The following DROSHA variants were observed in gnomAD, a reference collection of about 807,000 sequenced individuals.
DROSHA encodes the protein ribonuclease 3.
Under a neutral mutation model 181.9 loss-of-function variants are expected in DROSHA, and 56 were observed. The observed-to-expected ratio is 0.31, with a 90% CI of 0.25 to 0.38. DROSHA has a LOEUF of 0.38. Ranked by LOEUF, DROSHA falls within the 10% of genes least tolerant of loss-of-function variation. The pLI, the probability that DROSHA is intolerant of heterozygous loss-of-function variation, is 1.00. For synonymous variants in DROSHA, 524 were observed against 591.2 expected (o/e 0.89, Z 1.65); for missense variants, 1,218 against 1,743.5 (o/e 0.70, Z 5.37).
intron 35 of DROSHA, 145 bp downstream of exon 35, chr5:31,405,532 T>C (rs1740534775): frequency 1.3e-6 from 1 of 759,502 alleles, no homozygotes; most frequent in South Asian, 1.9e-5. Context: ...TCTCACATTC[T>C]ACTATATTCT....
chr5:31,490,982 T>C (rs1313517476), intron 13 of DROSHA, among the ~76,000 whole-genome samples: 1 of 152,174 alleles, frequency 6.6e-6, no homozygotes, highest in African/African-American at 2.4e-5. Flanking sequence ...CTGTGACTAA[T>C]TTAGCAACAG....
chr5:31,481,889 G>T (rs1751072241), intron 16 of DROSHA, among the ~76,000 whole-genome samples: 2 of 152,184 alleles, frequency 1.3e-5, no homozygotes. Flanking sequence ...TCTGCACTTG[G>T]TCTGTAGGAG....
rs116022852 is a variant in DROSHA at position 31,433,882 on chromosome 5, G to A, written c.3042+1883C>T. ...TACAACTTTTAAAAAGGATAGAGTGGTGTGCTACTGTTTATGTTTTAAAAT... is the reference window on the plus strand; with the variant it reads ...TACAACTTTTAAAAAGGATAGAGTGATGTGCTACTGTTTATGTTTTAAAAT... On this transcript the variant is annotated intron_variant, in intron 25 of 35. Transcript: ENST00000344624. Among the ~76,000 whole-genome samples, 600 of 152,304 alleles carry A rather than the reference G, an allele frequency of 3.9e-3. 5 individuals are homozygous for A. Among genetic ancestry groups the A allele is most frequent in the African/African-American group, 0.014 (576 of 41,560 alleles).
intron 33 of DROSHA, among the ~76,000 whole-genome samples, chr5:31,408,295 C>A (rs1019323370): frequency 3.3e-5 from 5 of 152,166 alleles, no homozygotes; most frequent in African/African-American, 1.2e-4. Flanking sequence ...AGTTTTGAAA[C>A]AATCTTTAAA....
intron 23 of DROSHA, among the ~76,000 whole-genome samples, chr5:31,447,370 T>G (rs1164093148): frequency 6.6e-6 from 1 of 152,172 alleles, no homozygotes; most frequent in Non-Finnish European, 1.5e-5. Flanking sequence ...GCACTTTAAA[T>G]AAACATTTTT....
intron 33 of DROSHA, chr5:31,408,787 T>C (rs1437000837): frequency 2.1e-5 from 7 of 326,276 alleles, no homozygotes; most frequent in East Asian, 5.4e-5. Flanking sequence ...ATAATCTTAG[T>C]TGGTCTCCCT....
At chr5:31,528,813 T>G (rs897378987) in intron 4 of DROSHA, among the ~76,000 whole-genome samples, 1 of 152,224 alleles carries the variant, frequency 6.6e-6, no homozygotes, top group African/African-American at 2.4e-5. Context: ...ACCTCGGAAC[T>G]GCAAGCGCTG....
chr5:31,469,775 C>T (rs1270372734), intron 17 of DROSHA, among the ~76,000 whole-genome samples: 1 of 152,066 alleles, frequency 6.6e-6, no homozygotes, highest in Non-Finnish European at 1.5e-5. Context: ...TTGGCTACAC[C>T]CTATAACATT....
chr5:31,429,250 G>A (rs1743847501), intron 27 of DROSHA, among the ~76,000 whole-genome samples: 1 of 152,066 alleles, frequency 6.6e-6, no homozygotes, highest in Admixed American at 6.6e-5. Context: ...GTGACCATGA[G>A]GAAAGACAGG....
Position 31,451,547 on chromosome 5 carries a change from G to T in DROSHA, c.2668C>A (p.Arg890Ser), listed in dbSNP as rs267600599. Residue 890 changes from arginine (R) to serine (S), a missense_variant, in exon 21 of 36, where the codon CGT becomes AGT. This residue lies in a region of DROSHA where 460 missense variants were observed against 774.2 expected (regional missense o/e 0.59). Coordinates refer to ENST00000344624, the MANE Select transcript of DROSHA (RefSeq NM_001382508.1). ...ATAATTCTTACCTGCAACAGACAAC[G>T]ATCTTGGAAAGTATATCCTATCAAC... ...DKLIGYTFQD[R>S]CLLQLAMTHP... 1.2e-6 allele frequency: 2 copies of T among 1,610,816 alleles called. No individual in the cohort carries two copies. Among genetic ancestry groups the T allele is most frequent in the South Asian group, 1.1e-5 (1 of 90,238 alleles).
rs1179828040 is a variant in DROSHA, at chr5:31,483,542, CAGA to C, written c.2071+9_2071+11del. ...CTATCTCACCAGGTCACTGACAAGC[CAGA>C]AGATTTACCTGGAAGAAATCTTACA... On this transcript the variant is annotated intron_variant, in intron 16 of 35. Transcript: ENST00000344624. The C allele has an allele frequency of 6.2e-7, 1 of 1,611,950 alleles. No homozygotes were observed. Among genetic ancestry groups the C allele is most frequent in the South Asian group, 1.1e-5 (1 of 90,800 alleles).
chr5:31,401,420 G>C lies in DROSHA; in HGVS notation c.*12C>G. The C allele has an allele frequency of 6.2e-7, 1 of 1,609,976 alleles. No homozygotes were observed. Reference sequence around the variant, plus strand: ...CTGAGCAAGTAAATACTCCACACTTGCATGCCCTCCTTTATTTCTTGATGT... The same window carrying C: ...CTGAGCAAGTAAATACTCCACACTTCCATGCCCTCCTTTATTTCTTGATGT... On this transcript the variant is annotated 3_prime_UTR_variant, in exon 36 of 36. Transcript: ENST00000344624.
chr5:31,445,915 C>T (rs1746187909), intron 23 of DROSHA, among the ~76,000 whole-genome samples: 1 of 152,172 alleles, frequency 6.6e-6, no homozygotes, highest in South Asian at 2.1e-4. Context: ...GTACTGGAGG[C>T]TCTAGCTAGG....
At chr5:31,443,410 T>C (rs975496646) in intron 23 of DROSHA, among the ~76,000 whole-genome samples, 2 of 152,114 alleles carry the variant, frequency 1.3e-5, no homozygotes, top group Non-Finnish European at 2.9e-5. Context: ...CTTTGTTCCA[T>C]TGCTACTCTT....
chr5:31,506,236 C>T (rs1161723673), intron 10 of DROSHA, among the ~76,000 whole-genome samples: 1 of 151,994 alleles, frequency 6.6e-6, no homozygotes, highest in East Asian at 1.9e-4. Context: ...GTGGTGGGCG[C>T]CTGTAATCCC....
At chr5:31,516,416 T>C (rs1739276940) in intron 6 of DROSHA, among the ~76,000 whole-genome samples, 1 of 152,192 alleles carries the variant, frequency 6.6e-6, no homozygotes, top group African/African-American at 2.4e-5. Flanking sequence ...CTACTATCCA[T>C]GTAAGTTTAC....
At chr5:31,525,964 TC>T in intron 5 of DROSHA, 114 bp downstream of exon 5, 1 of 1,057,494 alleles carries the variant, frequency 9.5e-7, no homozygotes, top group East Asian at 2.5e-5. Context: ...GTGCTTCCTT[TC>T]CTTACATAAA....
intron 9 of DROSHA, among the ~76,000 whole-genome samples, chr5:31,510,698 G>C (rs917273303): frequency 1.3e-5 from 2 of 152,166 alleles, no homozygotes; most frequent in Non-Finnish European, 2.9e-5. Flanking sequence ...CAAAGGAGAG[G>C]GCCAAGGAAG....
intron 18 of DROSHA, 67 bp from the exon 19 acceptor site, chr5:31,466,348 T>G (rs1749002828): frequency 7.3e-7 from 1 of 1,376,780 alleles, no homozygotes; most frequent in Admixed American, 1.7e-5. Context: ...ACAAAACCAG[T>G]TATTTTAAGA....
Sources: gnomAD v4.1 joint callset for allele counts (sites outside exome capture counted in the v4.1 genomes callset) on GRCh38, gnomAD v4.1.1 for gene constraint, gnomAD v4.1.1 regional missense constraint, MANE v1.5 for transcripts, NCBI Gene and HGNC (gene_info 2026-07-23, HGNC 2026-07-21) for gene names.